Variants in CA5A observed in about 807,000 individuals in gnomAD.
The protein encoded by CA5A is carbonic anhydrase 5A, also known as carbonic anhydrase 5A, mitochondrial.
A neutral mutation model predicts 37.1 loss-of-function variants in CA5A; 28 were observed. The ratio of observed to expected loss-of-function variants is 0.75; its 90% CI spans 0.56 to 1.03. The LOEUF (loss-of-function observed/expected upper bound fraction) is 1.03, where lower values mean the gene tolerates loss of function less well. Among genes scored for constraint, CA5A ranks in the 50% least tolerant of loss-of-function variants. CA5A has a pLI of 0.00. For missense variants in CA5A, 444 were observed against 399.9 expected (o/e 1.11, Z -0.94); for synonymous variants, 171 against 158.4 (o/e 1.08, Z -0.60).
At chr16:87,910,869 C>G (rs1001681669) in intron 2 of CA5A, among the ~76,000 whole-genome samples, 1 of 152,126 alleles carries the variant, frequency 6.6e-6, no homozygotes, top group African/African-American at 2.4e-5. Context: ...CTCACCTGTG[C>G]TTCCCGAGTA....
intron 1 of CA5A, among the ~76,000 whole-genome samples, chr16:87,932,284 G>A (rs2056418230): frequency 6.6e-6 from 1 of 152,132 alleles, no homozygotes; most frequent in Admixed American, 6.5e-5. Flanking sequence ...GAACCCTAAA[G>A]CCACTGATGC....
intron 2 of CA5A, chr16:87,924,236 C>T (rs551500003): frequency 1.0e-6 from 1 of 985,458 alleles, no homozygotes; most frequent in Admixed American, 6.1e-5. Flanking sequence ...TGCTGGCACT[C>T]AGCAAGCCCC....
At chr16:87,896,969 C>T (rs1414649457) in intron 5 of CA5A, among the ~76,000 whole-genome samples, 1 of 152,202 alleles carries the variant, frequency 6.6e-6, no homozygotes, top group East Asian at 1.9e-4. Flanking sequence ...TAAACAGGAC[C>T]CCACATTTTA....
At chr16:87,929,679 T>A (rs562053313) in intron 1 of CA5A, among the ~76,000 whole-genome samples, 20 of 151,664 alleles carry the variant, frequency 1.3e-4, no homozygotes, top group African/African-American at 4.6e-4. Context: ...GAGACCATCC[T>A]GGCTAACACC....
In CA5A at chr16:87,905,409, G is replaced by A. The variant is rs1401632117; in HGVS notation, c.341-505C>T. 7.2e-5 allele frequency among the ~76,000 whole-genome samples: 11 copies of A among 152,258 alleles called. No individual in the cohort carries two copies. In the South Asian group the frequency reaches 2.3e-3, roughly 32 times the overall value. On this transcript the variant is annotated intron_variant, in intron 2 of 6. Transcript: ENST00000649794. ...GAATCTTACTCTATTGCCCAGGCTG[G>A]AGTACAATGGCATGATCTCAGCTCA...
chr16:87,912,918 T>A (rs1157083792), intron 2 of CA5A, among the ~76,000 whole-genome samples: 1 of 151,864 alleles, frequency 6.6e-6, no homozygotes, highest in Non-Finnish European at 1.5e-5. Context: ...GAGATGGGAT[T>A]ACAGGGGCAA....
At chr16:87,919,201 G>A (rs979721979) in intron 2 of CA5A, among the ~76,000 whole-genome samples, 1 of 152,216 alleles carries the variant, frequency 6.6e-6, no homozygotes, top group Non-Finnish European at 1.5e-5. Flanking sequence ...TTGGACCTGA[G>A]AGCAACCGAG....
intron 2 of CA5A, among the ~76,000 whole-genome samples, chr16:87,922,177 C>G (rs968783992): frequency 1.3e-5 from 2 of 152,128 alleles, no homozygotes; most frequent in Non-Finnish European, 2.9e-5. Flanking sequence ...TTGGTGCACA[C>G]TGGTGTGTGA....
downstream of CA5A, chr16:87,886,114 C>G (rs1224408672): frequency 6.6e-6 from 1 of 150,624 alleles, no homozygotes; most frequent in Non-Finnish European, 1.5e-5. Flanking sequence ...AAAAGCCACA[C>G]TCAGACCCAA....
chr16:87,908,849 T>C (rs1385620880), intron 2 of CA5A, among the ~76,000 whole-genome samples: 1 of 152,048 alleles, frequency 6.6e-6, no homozygotes. Flanking sequence ...AGAGTTTCAC[T>C]CTGTCGCCCA....
chr16:87,906,447 G>A (rs1162808197), intron 2 of CA5A, among the ~76,000 whole-genome samples: 1 of 151,710 alleles, frequency 6.6e-6, no homozygotes, highest in Non-Finnish European at 1.5e-5. Context: ...GGCCAACGTG[G>A]TGTAACCCAT....
intron 1 of CA5A, among the ~76,000 whole-genome samples, chr16:87,935,060 C>T (rs1443226766): frequency 1.3e-5 from 2 of 152,228 alleles, no homozygotes; most frequent in Admixed American, 6.5e-5. Flanking sequence ...ACCCCCATCT[C>T]GAGATAAGGA....
At chr16:87,886,125 C>T (rs185408353), downstream of CA5A, 10 of 147,642 alleles carry the variant, frequency 6.8e-5, no homozygotes, top group Admixed American at 4.1e-4. Flanking sequence ...TCAGACCCAA[C>T]ATTGAGTTCT....
intron 2 of CA5A, among the ~76,000 whole-genome samples, chr16:87,913,824 G>A (rs1434757762): frequency 6.6e-6 from 1 of 152,206 alleles, no homozygotes; most frequent in African/African-American, 2.4e-5. Flanking sequence ...GGCTCGCTGA[G>A]TAGACCATCC....
chr16:87,917,789 T>C (rs571341782), intron 2 of CA5A, among the ~76,000 whole-genome samples: 1 of 94,876 alleles, frequency 1.1e-5, no homozygotes, highest in Non-Finnish European at 1.9e-5. Context: ...TGCACACATG[T>C]ATACACAGTG....
At chr16:87,892,510 A>AAGTAAT (rs1450646059) in intron 5 of CA5A, among the ~76,000 whole-genome samples, 3 of 135,304 alleles carry the variant, frequency 2.2e-5, no homozygotes, top group Non-Finnish European at 3.1e-5. Context: ...ACTCTGTCTC[A>AAGTAAT]AATAATAATA....
At chr16:87,906,025 G>A (rs1261476071) in intron 2 of CA5A, among the ~76,000 whole-genome samples, 2 of 152,246 alleles carry the variant, frequency 1.3e-5, no homozygotes, top group African/African-American at 4.8e-5. Context: ...TCGGATGTGG[G>A]TGGCTTCTCC....
rs141572808 is a variant in CA5A at position 87,904,065 on chromosome 16, G to T, written c.459+721C>A. ...GACTGCTTTAAGATGATCTTAGCCG[G>T]GTACGGTGGCTCACGCCTGTTATCC... On this transcript the variant is annotated intron_variant, in intron 3 of 6. Coordinates refer to ENST00000649794, the MANE Select transcript of CA5A (RefSeq NM_001739.2). Among the ~76,000 whole-genome samples the T allele has an allele frequency of 5.9e-5, 9 of 152,124 alleles. No homozygotes were observed. The South Asian group carries it at 1.9e-3, about 32-fold the overall frequency.
At chr16:87,929,629 T>C (rs1039977032) in intron 1 of CA5A, among the ~76,000 whole-genome samples, 1 of 151,854 alleles carries the variant, frequency 6.6e-6, no homozygotes, top group Admixed American at 6.6e-5. Context: ...TCCCAGCACT[T>C]TGGGAGGCCG....
Sources: gnomAD v4.1 joint callset for allele counts (sites outside exome capture counted in the v4.1 genomes callset) on GRCh38, gnomAD v4.1.1 for gene constraint, MANE v1.5 for transcripts, NCBI Gene and HGNC (gene_info 2026-07-23, HGNC 2026-07-21) for gene names.